Variants in AK2 observed in about 807,000 individuals in gnomAD.
AK2 encodes adenylate kinase 2, mitochondrial.
A neutral mutation model predicts 24.6 loss-of-function variants in AK2; 15 were observed. The ratio of observed to expected loss-of-function variants is 0.61; its 90% CI spans 0.41 to 0.94. AK2 has a LOEUF of 0.94. Among genes scored for constraint, AK2 ranks in the 40% least tolerant of loss-of-function variants. The pLI is 0.00. For missense variants in AK2, 257 were observed against 304.1 expected (o/e 0.85, Z 1.15); for synonymous variants, 102 against 114.0 (o/e 0.90, Z 0.67).
rs1638843189 is a variant in AK2 at position 33,011,889 on chromosome 1, G to T, written c.*1292C>A. 1 of 1,529,942 alleles carries T rather than the reference G, an allele frequency of 6.5e-7. No homozygotes were observed. The highest frequency in any genetic ancestry group is 8.7e-7 in the Non-Finnish European group (1 of 1,144,840). The allele number at this position is 1,529,942 out of a possible 1,614,324, so 94.8% of individuals were successfully genotyped here. A position where few individuals can be genotyped will look rare whatever the true frequency, so the allele number is the denominator to read the frequency against. On this transcript the variant is annotated 3_prime_UTR_variant, in exon 6 of 6. Transcript: ENST00000672715. ...AGCCATCATAAAATTAGGGGTGAAG[G>T]GTTGGATCTAGAAAGGAGAGGGTTT...
chr1:33,012,344 A>G lies in AK2; in HGVS notation c.*837T>C. On this transcript the variant is annotated 3_prime_UTR_variant, in exon 6 of 6. Transcript: ENST00000672715. Reference sequence around the variant, plus strand: ...AGTAAGTGCCTTTTTCCTTCCACCTAGGGGGAAAAAATTAATGATCCCTGT... The same window carrying G: ...AGTAAGTGCCTTTTTCCTTCCACCTGGGGGGAAAAAATTAATGATCCCTGT... 2 of 1,529,490 alleles carry G rather than the reference A, an allele frequency of 1.3e-6. No homozygotes were observed. Among genetic ancestry groups the G allele is most frequent in the East Asian group, 4.9e-5 (2 of 40,640 alleles). The allele number at this position is 1,529,490 out of a possible 1,614,324, so 94.7% of individuals were successfully genotyped here.
At chr1:33,021,730 G>C in intron 2 of AK2, 27 bp from the exon 3 acceptor site, 1 of 1,571,950 alleles carries the variant, frequency 6.4e-7, no homozygotes, top group South Asian at 1.1e-5. Flanking sequence ...AAATAGCCTT[G>C]GGTTTAAATC....
At position 33,024,333 on chromosome 1, in the gene AK2, A is replaced by G. The variant is rs544615415; in HGVS notation, c.219+109T>C. The stretch of plus-strand genomic sequence containing the variant: ...GTGCAACTGAGGAACTGATTTTTAC[A>G]TTAATTAAATTAATCTAAATAGCCA... On this transcript the variant is annotated intron_variant, in intron 2 of 5. Coordinates refer to ENST00000672715, the MANE Select transcript of AK2 (RefSeq NM_001625.4). The G allele has an allele frequency of 1.0e-3, 1,460 of 1,459,832 alleles. 14 individuals are homozygous for G. The African/African-American group carries it at 0.018, about 18-fold the overall frequency. The allele number at this position is 1,459,832 out of a possible 1,614,324, so 90.4% of individuals were successfully genotyped here.
chr1:33,031,770 G>A (rs980095399), intron 1 of AK2: 7 of 436,578 alleles, frequency 1.6e-5, no homozygotes, highest in South Asian at 6.4e-5. Flanking sequence ...GCCTGGCCTC[G>A]AAGAATTGGG....
Position 33,013,324 on chromosome 1 carries a change from G to C in AK2, c.577C>G (p.Gln193Glu), listed in dbSNP as rs2124279848. Residue 193 changes from glutamine (Q) to glutamate (E), a missense_variant, in exon 6 of 6, where the codon CAA (glutamine) becomes GAA (glutamate). Transcript: ENST00000672715. Reference protein sequence around the residue: ...LKIRLQAYHTQTTPLIEYYRK... With the variant: ...LKIRLQAYHTETTPLIEYYRK... ...TAGTACTCTATGAGTGGGGTGGTTTGAGTGTGGTAGGCTTGCAGGCGGATT... is the reference window on the plus strand; with the variant it reads ...TAGTACTCTATGAGTGGGGTGGTTTCAGTGTGGTAGGCTTGCAGGCGGATT... 6.2e-7 allele frequency: 1 copy of C among 1,614,130 alleles called. No individual in the cohort carries two copies. Among genetic ancestry groups the C allele is most frequent in the Non-Finnish European group, 8.5e-7 (1 of 1,179,954 alleles).
intron 4 of AK2, among the ~76,000 whole-genome samples, chr1:33,020,447 C>T (rs1375512478): frequency 2.0e-5 from 3 of 152,298 alleles, no homozygotes; most frequent in East Asian, 3.9e-4. Flanking sequence ...TTTATGTTAC[C>T]TAACACGTGA....
At chr1:33,016,326 C>T (rs1273060868) in intron 4 of AK2, among the ~76,000 whole-genome samples, 1 of 152,192 alleles carries the variant, frequency 6.6e-6, no homozygotes, top group Admixed American at 6.5e-5. Context: ...ATTCTCCTGC[C>T]TCAGCCTCCC....
rs764584360 is a variant in AK2, at chr1:33,012,767, T to C, written c.*414A>G. On this transcript the variant is annotated 3_prime_UTR_variant, in exon 6 of 6. Coordinates refer to ENST00000672715, the MANE Select transcript of AK2 (RefSeq NM_001625.4). ...CAAATATCAGCCAGGTGTTGTGGCA[T>C]GCACCTGTAGTCCCAGCTGCTCAGG... 6.3e-6 allele frequency: 6 copies of C among 948,660 alleles called. No homozygotes were observed. The highest frequency in any genetic ancestry group is 4.1e-5 in the South Asian group (3 of 73,820). 58.8% of individuals were successfully genotyped at this position (948,660 alleles called of 1,614,324 possible). A position where few individuals can be genotyped will look rare whatever the true frequency, so the allele number is the denominator to read the frequency against.
rs766493241 is a variant in AK2 at position 33,011,413 on chromosome 1, G to A, written c.*1768C>T. 17 of 1,287,388 alleles carry A rather than the reference G, an allele frequency of 1.3e-5. No individual in the cohort carries two copies. Among genetic ancestry groups the A allele is most frequent in the Middle Eastern group, 3.3e-4 (1 of 3,064 alleles). The allele number at this position is 1,287,388 out of a possible 1,614,324, so 79.7% of individuals were successfully genotyped here. On this transcript the variant is annotated 3_prime_UTR_variant, in exon 6 of 6. Coordinates refer to ENST00000672715, the MANE Select transcript of AK2 (RefSeq NM_001625.4). ...GTGGGTGGAGTTGGTTTAGAGCCAG[G>A]AAAACAAGGCAGGACAGAGGCAGCA...
Position 33,013,048 on chromosome 1 carries a change from T to C in AK2, c.*133A>G. 6.2e-7 allele frequency: 1 copy of C among 1,600,658 alleles called. No individual in the cohort carries two copies. The highest frequency in any genetic ancestry group is 8.5e-7 in the Non-Finnish European group (1 of 1,179,158). Reference sequence around the variant, plus strand: ...GAGTAGCACACACGCCAAAGATACATCAAGCAAGTGCTTTTTTAATCAATA... The same window carrying C: ...GAGTAGCACACACGCCAAAGATACACCAAGCAAGTGCTTTTTTAATCAATA... On this transcript the variant is annotated 3_prime_UTR_variant, in exon 6 of 6. Coordinates refer to ENST00000672715, the MANE Select transcript of AK2 (RefSeq NM_001625.4).
intron 1 of AK2, among the ~76,000 whole-genome samples, chr1:33,033,062 C>T (rs921437476): frequency 2.8e-4 from 42 of 151,642 alleles, no homozygotes; most frequent in African/African-American, 9.9e-4. Flanking sequence ...ACTCGGGAGA[C>T]TGAGGCAGAA....
At chr1:33,028,505 A>C (rs564789416) in intron 1 of AK2, among the ~76,000 whole-genome samples, 1 of 121,540 alleles carries the variant, frequency 8.2e-6, no homozygotes, top group Non-Finnish European at 1.6e-5. Context: ...CCGTCTCAAG[A>C]AAAAAAAAAA....
intron 4 of AK2, chr1:33,020,202 C>CACACAT: frequency 8.4e-7 from 1 of 1,196,408 alleles, no homozygotes; most frequent in East Asian, 2.6e-5. Context: ...CACACACACA[C>CACACAT]ACACACACAC....
At chr1:33,026,683 C>T (rs936653910) in intron 1 of AK2, among the ~76,000 whole-genome samples, 11 of 151,818 alleles carry the variant, frequency 7.2e-5, no homozygotes, top group Admixed American at 5.3e-4. Context: ...TGGCGCATGC[C>T]TGTAGTCCCA....
Position 33,008,538 on chromosome 1 carries a change from C to G in AK2, c.*4643G>C. The G allele has an allele frequency of 2.2e-6, 1 of 454,116 alleles. No individual in the cohort carries two copies. 28.1% of individuals were successfully genotyped at this position (454,116 alleles called of 1,614,324 possible). A position where few individuals can be genotyped will look rare whatever the true frequency, so the allele number is the denominator to read the frequency against. ...AGAGCTCTTATTCAGAGCAGCCCTT[C>G]CTGTGTGCAGAGCTACGCAAGTAAT... On this transcript the variant is annotated 3_prime_UTR_variant, in exon 6 of 6. Coordinates refer to ENST00000672715, the MANE Select transcript of AK2 (RefSeq NM_001625.4).
At chr1:33,036,670 G>C in intron 1 of AK2, 66 bp downstream of exon 1, 2 of 1,450,364 alleles carry the variant, frequency 1.4e-6, no homozygotes, top group Non-Finnish European at 1.9e-6. Context: ...AGGGCTTCTA[G>C]ATCTCCGGCC....
At chr1:33,033,168 AAAAAAG>A (rs1390328648) in intron 1 of AK2, among the ~76,000 whole-genome samples, 6 of 147,574 alleles carry the variant, frequency 4.1e-5, no homozygotes, top group Non-Finnish European at 1.5e-5. Flanking sequence ...TCAAAAAAAA[AAAAAAG>A]AAAAGAAAAA....
chr1:33,023,046 C>T (rs149524191), intron 2 of AK2, among the ~76,000 whole-genome samples: 12 of 152,058 alleles, frequency 7.9e-5, no homozygotes, highest in Admixed American at 3.9e-4. Flanking sequence ...AATCTCAAAG[C>T]CTAACAGAAG....
At chr1:33,013,961 G>C (rs1639014444) in intron 5 of AK2, among the ~76,000 whole-genome samples, 1 of 152,152 alleles carries the variant, frequency 6.6e-6, no homozygotes, top group East Asian at 1.9e-4. Flanking sequence ...GAACCTGAAT[G>C]ACCTGATGAA....
Sources: gnomAD v4.1 joint callset for allele counts (sites outside exome capture counted in the v4.1 genomes callset) on GRCh38, gnomAD v4.1.1 for gene constraint, MANE v1.5 for transcripts, NCBI Gene and HGNC (gene_info 2026-07-23, HGNC 2026-07-21) for gene names.